The following AP3B1 variants were observed in gnomAD, a reference collection of about 807,000 sequenced individuals.
AP3B1 encodes AP-3 complex subunit beta-1.
AP3B1 carries 61 observed loss-of-function variants against 132.5 expected under a neutral mutation model. The observed-to-expected ratio is 0.46, with a 90% confidence interval of 0.37 to 0.57. AP3B1 has a LOEUF of 0.57. AP3B1 is among the 20% of genes least tolerant of loss of function. The pLI, the probability that AP3B1 is intolerant of heterozygous loss-of-function variation, is 0.00. For missense variants in AP3B1, 1,120 were observed against 1,289.4 expected, an observed-to-expected ratio of 0.87 and a Z score of 2.01; for synonymous variants, 388 against 438.3, an observed-to-expected ratio of 0.89 and a Z score of 1.43.
At chr5:78,107,538 T>C (rs1160217237) in intron 20 of AP3B1, among the ~76,000 whole-genome samples, 1 of 152,194 alleles carries the variant, frequency 6.6e-6, no homozygotes, top group Non-Finnish European at 1.5e-5. Context: ...GACAGATGAT[T>C]ATTAACAAAA....
intron 21 of AP3B1, among the ~76,000 whole-genome samples, chr5:78,099,884 G>A (rs540720237): frequency 5.3e-5 from 8 of 152,104 alleles, no homozygotes; most frequent in African/African-American, 1.4e-4. Context: ...GTGAGATTCC[G>A]TCTCGGGGGG....
At chr5:78,132,647 T>C (rs142171601) in intron 15 of AP3B1, among the ~76,000 whole-genome samples, 3 of 152,374 alleles carry the variant, frequency 2.0e-5, no homozygotes, top group African/African-American at 7.2e-5. Flanking sequence ...TCTGCACCTG[T>C]ACGTATTAAA....
chr5:78,015,253 G>A (rs557318185), intron 26 of AP3B1, among the ~76,000 whole-genome samples, 157 bp downstream of exon 26: 2 of 151,966 alleles, frequency 1.3e-5, no homozygotes, highest in African/African-American at 4.8e-5. Flanking sequence ...TTAATGCAAA[G>A]CAATCAACAA....
At chr5:78,280,580 C>A (rs867402917) in intron 1 of AP3B1, among the ~76,000 whole-genome samples, 2 of 152,166 alleles carry the variant, frequency 1.3e-5, no homozygotes, top group African/African-American at 4.8e-5. Context: ...AGATTTTTCT[C>A]CAAGAAATTC....
chr5:78,040,520 CTTAA>C (rs1447716080), intron 22 of AP3B1, among the ~76,000 whole-genome samples: 2 of 152,076 alleles, frequency 1.3e-5, no homozygotes, highest in Non-Finnish European at 2.9e-5. Flanking sequence ...ACATTAGACT[CTTAA>C]TTAAATTCTT....
chr5:78,286,088 G>C (rs1055230640), intron 1 of AP3B1, among the ~76,000 whole-genome samples: 1 of 152,016 alleles, frequency 6.6e-6, no homozygotes, highest in Non-Finnish European at 1.5e-5. Context: ...ACACAATCAG[G>C]TCTCCGCCTT....
chr5:78,164,797 C>T (rs1488849551), intron 12 of AP3B1, among the ~76,000 whole-genome samples: 1 of 151,898 alleles, frequency 6.6e-6, no homozygotes, highest in Non-Finnish European at 1.5e-5. Flanking sequence ...AAAAAGAAAT[C>T]GTGTATACAG....
In AP3B1 at chr5:78,041,569, T is replaced by A. The variant is rs190566754; in HGVS notation, c.2578-2295A>T. Among the ~76,000 whole-genome samples, 829 of 151,146 alleles carry A rather than the reference T, an allele frequency of 5.5e-3. 3 individuals carry two copies. Among genetic ancestry groups the A allele is most frequent in the African/African-American group, 0.016 (669 of 41,292 alleles). ...GCAAGACCCTGTCTCAAAAAAAAAA[T>A]AATAATAATAAAATAATAATCATAA... On this transcript the variant is annotated intron_variant, in intron 22 of 26. Transcript: ENST00000255194.
chr5:78,019,898 A>G (rs1318421570), intron 25 of AP3B1, among the ~76,000 whole-genome samples: 2 of 152,092 alleles, frequency 1.3e-5, no homozygotes, highest in Non-Finnish European at 2.9e-5. Flanking sequence ...AACACCCTCC[A>G]CAGGAAAAAA....
At chr5:78,284,526 A>G (rs1190921599) in intron 1 of AP3B1, among the ~76,000 whole-genome samples, 1 of 152,190 alleles carries the variant, frequency 6.6e-6, no homozygotes, top group Admixed American at 6.5e-5. Context: ...AAGGACTATC[A>G]TTTTAAGAAA....
At chr5:78,014,336 G>A (rs904591468) in intron 26 of AP3B1, among the ~76,000 whole-genome samples, 2 of 152,140 alleles carry the variant, frequency 1.3e-5, no homozygotes, top group Non-Finnish European at 2.9e-5. Context: ...CTCTTCTGAA[G>A]TCAAATCTAA....
chr5:78,068,888 C>T (rs903746414), intron 22 of AP3B1, among the ~76,000 whole-genome samples: 3 of 152,132 alleles, frequency 2.0e-5, no homozygotes, highest in South Asian at 4.1e-4. Flanking sequence ...TCCAGCAGCA[C>T]GTCAGAAAGC....
At chr5:78,153,302 C>T (rs1753746449) in intron 14 of AP3B1, among the ~76,000 whole-genome samples, 1 of 152,078 alleles carries the variant, frequency 6.6e-6, no homozygotes, top group African/African-American at 2.4e-5. Flanking sequence ...CTTGTCTCTT[C>T]CTACACTTTT....
chr5:78,104,383 G>C (rs1213396013), intron 20 of AP3B1, among the ~76,000 whole-genome samples: 1 of 152,076 alleles, frequency 6.6e-6, no homozygotes, highest in Non-Finnish European at 1.5e-5. Flanking sequence ...ACTTCAATAA[G>C]AAAGCCTGCT....
intron 7 of AP3B1, among the ~76,000 whole-genome samples, chr5:78,198,463 G>T (rs925024575): frequency 6.6e-6 from 1 of 152,122 alleles, no homozygotes; most frequent in Admixed American, 6.6e-5. Flanking sequence ...CTGGTGTGTG[G>T]ACAGCTACCT....
At chr5:78,056,248 G>T (rs1748810071) in intron 22 of AP3B1, among the ~76,000 whole-genome samples, 1 of 152,148 alleles carries the variant, frequency 6.6e-6, no homozygotes, top group African/African-American at 2.4e-5. Flanking sequence ...CATATTAAAT[G>T]GTGAGACCTT....
intron 1 of AP3B1, among the ~76,000 whole-genome samples, chr5:78,274,777 T>C (rs1346204631): frequency 6.6e-6 from 1 of 152,022 alleles, no homozygotes; most frequent in Non-Finnish European, 1.5e-5. Flanking sequence ...TTTTAAAAAA[T>C]TAGCTGGGCA....
chr5:78,032,341 C>T (rs565514959), intron 24 of AP3B1, among the ~76,000 whole-genome samples: 30 of 152,154 alleles, frequency 2.0e-4, no homozygotes, highest in Middle Eastern at 3.4e-3. Flanking sequence ...TTTTATGTAT[C>T]GATTTGTATA....
At chr5:78,233,130 T>A (rs1009871888) in intron 3 of AP3B1, among the ~76,000 whole-genome samples, 4 of 152,290 alleles carry the variant, frequency 2.6e-5, no homozygotes, top group South Asian at 4.1e-4. Context: ...ACATCCTATA[T>A]TTATAGTATT....
Sources: gnomAD v4.1 joint callset for allele counts (sites outside exome capture counted in the v4.1 genomes callset) on GRCh38, gnomAD v4.1.1 for gene constraint, MANE v1.5 for transcripts, NCBI Gene and HGNC (gene_info 2026-07-23, HGNC 2026-07-21) for gene names.